GPC4: variants seen among roughly 807,000 people sequenced by gnomAD.
GPC4 encodes the protein glypican 4, also known as glypican-4.
A neutral mutation model predicts 35.0 loss-of-function variants in GPC4; 10 were observed. That is an observed-to-expected ratio of 0.29 (90% confidence interval 0.18 to 0.48). The LOEUF is 0.48. Ranked by LOEUF, GPC4 falls within the 20% of genes least tolerant of loss-of-function variation. GPC4 has a pLI of 0.99. For synonymous variants in GPC4, 167 were observed against 170.2 expected (o/e 0.98, Z 0.15); for missense variants, 322 against 451.3 (o/e 0.71, Z 2.60).
In GPC4 at chrX:133,354,564, A is replaced by AT. The variant is rs1320451355; in HGVS notation, c.161-15224dup. 1.2e-3 allele frequency among the ~76,000 whole-genome samples: 118 copies of AT among 94,467 alleles called. 4 individuals are homozygous for AT. The highest frequency in any genetic ancestry group is 4.9e-3 in the African/African-American group (107 of 22,022). The allele number at this position is 94,467 out of a possible 115,157, so 82.0% of individuals were successfully genotyped here. A position where few individuals can be genotyped will look rare whatever the true frequency, so the allele number is the denominator to read the frequency against. On this transcript the variant is annotated intron_variant, in intron 1 of 8. Transcript: ENST00000370828. ...GTTTTATTTATTTATTTATTTATTT[A>AT]TTTATTTTTTTTTTTGAGACGGAGT...
intron 1 of GPC4, among the ~76,000 whole-genome samples, chrX:133,363,567 T>A (rs111248786): frequency 0.02 from 2,181 of 111,520 alleles, 55 homozygotes; most frequent in African/African-American, 0.068. Flanking sequence ...AGGCAAACCA[T>A]GCTGTTAGCA....
chrX:133,390,987 AG>A (rs1401147335), intron 1 of GPC4, among the ~76,000 whole-genome samples: 1 of 112,092 alleles, frequency 8.9e-6, no homozygotes, highest in Admixed American at 9.5e-5. Context: ...ATAGGAAAAA[AG>A]AAATCAGCCT....
chrX:133,396,908 T>C (rs1317506289), intron 1 of GPC4, among the ~76,000 whole-genome samples: 1 of 112,176 alleles, frequency 8.9e-6, no homozygotes, highest in Non-Finnish European at 1.9e-5. Flanking sequence ...TCTCTTTCCC[T>C]ATGTAGGTGT....
chrX:133,385,970 C>A (rs2068687387), intron 1 of GPC4, among the ~76,000 whole-genome samples: 1 of 108,541 alleles, frequency 9.2e-6, no homozygotes, highest in African/African-American at 3.4e-5. Flanking sequence ...TATGTGGGGG[C>A]CTAGGGAGGA....
rs767895150 is a variant in GPC4, at chrX:133,414,450, C to T, written c.160+356G>A. ...TTCAACCCGGAAAAGGAGAAGTAGCCGGTGACACGCACTTTGAGGGCCACA... is the reference window on the plus strand; with the variant it reads ...TTCAACCCGGAAAAGGAGAAGTAGCTGGTGACACGCACTTTGAGGGCCACA... On this transcript the variant is annotated intron_variant, in intron 1 of 8. Transcript: ENST00000370828. 9 of 747,789 alleles carry T rather than the reference C, an allele frequency of 1.2e-5. No homozygotes were observed. The Admixed American group carries it at 2.7e-4, about 22-fold the overall frequency. 61.6% of individuals were successfully genotyped at this position (747,789 alleles called of 1,213,427 possible).
In GPC4 at chrX:133,304,866, T is replaced by C; in HGVS notation, c.1156-5A>G. 1 of 1,208,829 alleles carries C rather than the reference T, an allele frequency of 8.3e-7. No individual in the cohort carries two copies. Among genetic ancestry groups the C allele is most frequent in the Non-Finnish European group, 1.1e-6 (1 of 893,054 alleles). ...TTTCTCCTTGACATCAGTAACCTAA[T>C]TATGAAACAACAACAACAAAAAAAG... On this transcript the variant is annotated splice_region_variant and splice_polypyrimidine_tract_variant and intron_variant, in intron 6 of 8. Transcript: ENST00000370828.
At chrX:133,307,882 G>A (rs1028552512) in intron 4 of GPC4, among the ~76,000 whole-genome samples, 2 of 112,233 alleles carry the variant, frequency 1.8e-5, no homozygotes, top group Non-Finnish European at 3.8e-5. Flanking sequence ...ATGTGTTTGT[G>A]AAAGACTGAA....
chrX:133,302,771 C>T lies in GPC4; in HGVS notation c.*96G>A. 1 of 776,230 alleles carries T rather than the reference C, an allele frequency of 1.3e-6. No homozygotes were observed. Among genetic ancestry groups the T allele is most frequent in the Non-Finnish European group, 1.9e-6 (1 of 523,609 alleles). The allele number at this position is 776,230 out of a possible 1,213,427, so 64.0% of individuals were successfully genotyped here. A position where few individuals can be genotyped will look rare whatever the true frequency, so the allele number is the denominator to read the frequency against. On this transcript the variant is annotated 3_prime_UTR_variant, in exon 9 of 9. Coordinates refer to ENST00000370828, the MANE Select transcript of GPC4 (RefSeq NM_001448.3). ...CATAGTAAAAACTGTACATTGTTGT[C>T]CATTCATTTAAAAAGCAAAGTCACT...
chrX:133,366,394 G>C (rs1287899517), intron 1 of GPC4, among the ~76,000 whole-genome samples: 2 of 111,819 alleles, frequency 1.8e-5, no homozygotes, highest in East Asian at 2.8e-4. Flanking sequence ...GACTACAAAA[G>C]GTTGGGCTCC....
chrX:133,388,583 G>C (rs2068703842), intron 1 of GPC4, among the ~76,000 whole-genome samples: 1 of 109,287 alleles, frequency 9.2e-6, no homozygotes, highest in South Asian at 4.1e-4. Flanking sequence ...TGCCCAGGCT[G>C]GAGTGCAGTG....
Position 133,354,408 on chromosome X carries a change from G to T in GPC4, c.161-15067C>A, listed in dbSNP as rs765684708. On this transcript the variant is annotated intron_variant, in intron 1 of 8. Transcript: ENST00000370828. ...AGATAATACTTGGCAGCAGTGCTGT[G>T]CTTATCGGTTTGAAATAGTAAACAC... 3.6e-5 allele frequency among the ~76,000 whole-genome samples: 4 copies of T among 111,666 alleles called. No homozygotes were observed. The South Asian group carries it at 1.5e-3, about 42-fold the overall frequency.
chrX:133,362,750 T>G (rs1262596215), intron 1 of GPC4, among the ~76,000 whole-genome samples: 2 of 111,977 alleles, frequency 1.8e-5, no homozygotes, highest in African/African-American at 6.5e-5. Flanking sequence ...ACACAATCTT[T>G]ATTTCATGAA....
chrX:133,407,840 T>G (rs2068796224), intron 1 of GPC4, among the ~76,000 whole-genome samples: 1 of 112,676 alleles, frequency 8.9e-6, no homozygotes, highest in Non-Finnish European at 1.9e-5. Context: ...GGTTCTTTTT[T>G]TCTTCCCCCG....
Position 133,311,308 on chromosome X carries a change from C to A in GPC4, c.827G>T (p.Gly276Val). The change falls in exon 4 of 9, where the codon GGC (glycine) becomes GTC (valine). Residue 276 changes from glycine to valine, a missense_variant. Coordinates refer to ENST00000370828, the MANE Select transcript of GPC4 (RefSeq NM_001448.3). ...CYNYCSNIMR[G>V]CLANQGDLDF... is the part of the protein sequence containing the mutation. The stretch of plus-strand genomic sequence containing the variant: ...GAGATCCCCTTGGTTGGCCAAACAG[C>A]CTCTCATGATGTTTGAGCAGTAGTT... 1 of 1,211,795 alleles carries A rather than the reference C, an allele frequency of 8.3e-7. No individual in the cohort carries two copies. Among genetic ancestry groups the A allele is most frequent in the Non-Finnish European group, 1.1e-6 (1 of 895,370 alleles).
intron 2 of GPC4, 45 bp downstream of exon 2, chrX:133,339,138 T>G (rs1161794018): frequency 8.4e-7 from 1 of 1,186,234 alleles, no homozygotes. Context: ...AAAGCTACAG[T>G]ACAGACCTAA....
At chrX:133,354,632 A>G (rs1345273052) in intron 1 of GPC4, among the ~76,000 whole-genome samples, 1 of 105,073 alleles carries the variant, frequency 9.5e-6, no homozygotes, top group African/African-American at 3.6e-5. Flanking sequence ...GCAGTGGCGC[A>G]ATCTCGGCTC....
At chrX:133,322,662 C>T (rs889057421) in intron 3 of GPC4, among the ~76,000 whole-genome samples, 2 of 111,407 alleles carry the variant, frequency 1.8e-5, no homozygotes, top group East Asian at 2.8e-4. Context: ...ATATGGTCAC[C>T]CTAACTGTAG....
chrX:133,346,413 C>T (rs1326305836), intron 1 of GPC4, among the ~76,000 whole-genome samples: 2 of 111,136 alleles, frequency 1.8e-5, no homozygotes, highest in African/African-American at 6.6e-5. Context: ...AAATAGGGCA[C>T]ATCAAGGAGC....
chrX:133,395,620 T>A (rs1408629076), intron 1 of GPC4, among the ~76,000 whole-genome samples: 1 of 111,528 alleles, frequency 9.0e-6, no homozygotes, highest in Non-Finnish European at 1.9e-5. Context: ...TGAGACTCCA[T>A]CTCAAAAATA....
Sources: allele counts gnomAD v4.1 joint callset (sites outside exome capture counted in the v4.1 genomes callset), GRCh38; gene constraint gnomAD v4.1.1; transcripts MANE v1.5; gene names NCBI Gene and HGNC (gene_info 2026-07-23, HGNC 2026-07-21).